The following POLA1 variants were observed in gnomAD, a reference collection of about 807,000 sequenced individuals.
POLA1 encodes the protein DNA polymerase alpha catalytic subunit.
POLA1 carries 15 observed loss-of-function variants against 124.0 expected under a neutral mutation model. That is an observed-to-expected ratio of 0.12 (90% CI 0.08 to 0.19). POLA1 has a LOEUF of 0.19. Ranked by LOEUF, POLA1 falls within the 10% of genes least tolerant of loss-of-function variation. The pLI, the probability that POLA1 is intolerant of heterozygous loss-of-function variation, is 1.00. For missense variants in POLA1, 886 were observed against 1,103.4 expected (o/e 0.80, Z 2.79); for synonymous variants, 408 against 389.4 (o/e 1.05, Z -0.56).
At position 24,882,684 on chromosome X, in the gene POLA1, GGTGTGTGTGTGTGT is replaced by G. The variant is rs57530564; in HGVS notation, c.4048-5291_4048-5278del. 4.9e-4 allele frequency among the ~76,000 whole-genome samples: 43 copies of G among 87,613 alleles called. 2 individuals carry two copies. The South Asian group carries it at 8.9e-3, about 18-fold the overall frequency. The allele number at this position is 87,613 out of a possible 115,157, so 76.1% of individuals were successfully genotyped here. A position where few individuals can be genotyped will look rare whatever the true frequency, so the allele number is the denominator to read the frequency against. ...TATGGCTGCATACTATATATTCCAT[GGTGTGTGTGTGTGT>G]GTGTGTGTGTGTGTGTGTGTGTGTG... On this transcript the variant is annotated intron_variant, in intron 34 of 36. Coordinates refer to ENST00000379068, the MANE Select transcript of POLA1 (RefSeq NM_001330360.2).
chrX:24,694,044 A>G, intron 1 of POLA1, 40 bp downstream of exon 1: 1 of 1,119,444 alleles, frequency 8.9e-7, no homozygotes. Context: ...GGGTTGGGAC[A>G]GTGGCATGAT....
intron 14 of POLA1, 39 bp downstream of exon 14, chrX:24,727,110 C>T: frequency 9.1e-7 from 1 of 1,101,318 alleles, no homozygotes; most frequent in Non-Finnish European, 1.2e-6. Flanking sequence ...GAATAGATTG[C>T]TGATAGATGT....
At chrX:24,809,752 A>ATT (rs762282801) in intron 26 of POLA1, 146 bp from the exon 27 acceptor site, 1 of 392,514 alleles carries the variant, frequency 2.5e-6, no homozygotes, top group Admixed American at 5.2e-5. Flanking sequence ...TGTTACTGTT[A>ATT]TTTTAAGGGC....
intron 35 of POLA1, among the ~76,000 whole-genome samples, chrX:24,925,887 C>G (rs1204284741): frequency 9.0e-6 from 1 of 111,040 alleles, no homozygotes; most frequent in African/African-American, 3.3e-5. Context: ...GTAGCTGGGA[C>G]TCACAACAAT....
rs112203010 is a variant in POLA1 at position 24,772,638 on chromosome X, C to T, written c.2964+23646C>T. On this transcript the variant is annotated intron_variant, in intron 26 of 36. Coordinates refer to ENST00000379068, the MANE Select transcript of POLA1 (RefSeq NM_001330360.2). ...GCTACCACTTATAAGTGAGAACACA[C>T]GGTATTTGGTTTTCTGTTACTCTGT... Among the ~76,000 whole-genome samples, 692 of 110,676 alleles carry T rather than the reference C, an allele frequency of 6.3e-3. 2 individuals are homozygous for T. The highest frequency in any genetic ancestry group is 9.6e-3 in the Non-Finnish European group (509 of 52,867).
At chrX:24,727,664 T>C in intron 14 of POLA1, 118 bp from the exon 15 acceptor site, 1 of 536,599 alleles carries the variant, frequency 1.9e-6, no homozygotes, top group Non-Finnish European at 3.0e-6. Context: ...TTACAATATG[T>C]CATTCTTATT....
rs66782103 is a variant in POLA1, at chrX:24,757,436, C to CTTTTTTTTTTTTTTTTTTTTTT, written c.2964+8465_2964+8466insTTTTTTTTTTTTTTTTTTTTTT. Among the ~76,000 whole-genome samples, 34 of 62,132 alleles carry CTTTTTTTTTTTTTTTTTTTTTT rather than the reference C, an allele frequency of 5.5e-4. 8 individuals carry two copies. The highest frequency in any genetic ancestry group is 2.6e-3 in the African/African-American group (32 of 12,218). 54.0% of individuals were successfully genotyped at this position (62,132 alleles called of 115,157 possible). Reference sequence around the variant, plus strand: ...ATCTGAAATGCTCCAAAATCTGAAACTTTTTTTTTTTTTTTTTTTTTGAGA... The same window carrying CTTTTTTTTTTTTTTTTTTTTTT: ...ATCTGAAATGCTCCAAAATCTGAAACTTTTTTTTTTTTTTTTTTTTTTTTTTTTTTTTTTTTTTTTTTTGAGA... On this transcript the variant is annotated intron_variant, in intron 26 of 36. Coordinates refer to ENST00000379068, the MANE Select transcript of POLA1 (RefSeq NM_001330360.2).
At position 24,748,912 on chromosome X, in the gene POLA1, A is replaced by T. The variant is rs202169782; in HGVS notation, c.2884A>T (p.Met962Leu). 9.1e-6 allele frequency: 11 copies of T among 1,203,870 alleles called. No individual in the cohort carries two copies. The highest frequency in any genetic ancestry group is 8.7e-5 in the Admixed American group (4 of 45,784). ...QKALKLTANS[M>L]YGCLGFSYSR... Reference sequence around the variant, plus strand: ...GGCTTTGAAGCTCACAGCGAACAGTATGTATGGTTGCCTGGGATTTTCCTA... The same window carrying T: ...GGCTTTGAAGCTCACAGCGAACAGTTTGTATGGTTGCCTGGGATTTTCCTA... The change falls in exon 26 of 37, where the codon ATG (methionine) becomes TTG (leucine). Residue 962 changes from methionine (M) to leucine (L), a missense_variant. By Grantham distance (15) the Met-to-Leu change is conservative. Around this residue, in one of 7 missense-constraint regions of POLA1, gnomAD observed 182 missense variants for 252.8 expected, o/e 0.72. Coordinates refer to ENST00000379068, the MANE Select transcript of POLA1 (RefSeq NM_001330360.2).
chrX:24,854,203 G>A (rs1179156706), intron 34 of POLA1, among the ~76,000 whole-genome samples: 2 of 110,688 alleles, frequency 1.8e-5, no homozygotes, highest in Non-Finnish European at 3.8e-5. Context: ...CCACCACCAC[G>A]CTCGGCTAAT....
At chrX:24,767,637 A>G (rs941376371) in intron 26 of POLA1, among the ~76,000 whole-genome samples, 1 of 112,106 alleles carries the variant, frequency 8.9e-6, no homozygotes. Context: ...GTAATCTTCA[A>G]TTTCTAGTTA....
chrX:24,836,358 A>G (rs764610090), intron 32 of POLA1, among the ~76,000 whole-genome samples: 30 of 111,909 alleles, frequency 2.7e-4, no homozygotes, highest in Non-Finnish European at 5.3e-4. Context: ...AAACGTAAGC[A>G]TGTATTTTTC....
At chrX:24,817,591 G>C (rs1231072860) in intron 30 of POLA1, among the ~76,000 whole-genome samples, 1 of 90,049 alleles carries the variant, frequency 1.1e-5, no homozygotes, top group Non-Finnish European at 2.1e-5. Context: ...ATGGGCGACA[G>C]AGCAAGATTC....
intron 32 of POLA1, among the ~76,000 whole-genome samples, chrX:24,832,531 C>G (rs1254790574): frequency 8.9e-6 from 1 of 112,152 alleles, no homozygotes; most frequent in African/African-American, 3.2e-5. Context: ...ACAACTCTGG[C>G]TTTGTAACAC....
intron 36 of POLA1, among the ~76,000 whole-genome samples, chrX:24,946,395 G>T (rs189779302): frequency 8.9e-6 from 1 of 112,048 alleles, no homozygotes; most frequent in African/African-American, 3.2e-5. Context: ...CTTACCTGGG[G>T]TGTCCAGGCA....
At chrX:24,727,183 G>A in intron 14 of POLA1, 112 bp downstream of exon 14, 1 of 655,954 alleles carries the variant, frequency 1.5e-6, no homozygotes, top group South Asian at 2.9e-5. Flanking sequence ...TTCCTTTTCT[G>A]TTTGTTTCTT....
intron 29 of POLA1, 27 bp from the exon 30 acceptor site, chrX:24,814,952 G>GTTTTTTTTTTTTTTTTTTTTTTTTT: frequency 1.2e-6 from 1 of 867,770 alleles, no homozygotes; most frequent in East Asian, 3.9e-5. Context: ...TGCTGTCTTT[G>GTTTTTTTTTTTTTTTTTTTTTTTTT]TTTTGTTTTT....
chrX:24,944,338 G>A (rs868681408), intron 36 of POLA1, among the ~76,000 whole-genome samples: 1 of 110,934 alleles, frequency 9.0e-6, no homozygotes, highest in South Asian at 3.9e-4. Context: ...TTTTATAAAG[G>A]TTTTGTTATT....
chrX:24,704,186 A>G (rs1188361727), intron 3 of POLA1, among the ~76,000 whole-genome samples: 5 of 111,699 alleles, frequency 4.5e-5, no homozygotes, highest in Non-Finnish European at 7.5e-5. Context: ...GGTATAATAT[A>G]TATCATTTGG....
chrX:24,856,677 T>C (rs2046649850), intron 34 of POLA1, among the ~76,000 whole-genome samples: 1 of 111,590 alleles, frequency 9.0e-6, no homozygotes, highest in Non-Finnish European at 1.9e-5. Flanking sequence ...GTATTTTTTA[T>C]TTTAGACATT....
Sources: gnomAD v4.1 joint callset for allele counts (sites outside exome capture counted in the v4.1 genomes callset) on GRCh38, gnomAD v4.1.1 for gene constraint, gnomAD v4.1.1 regional missense constraint, MANE v1.5 for transcripts, NCBI Gene and HGNC (gene_info 2026-07-23, HGNC 2026-07-21) for gene names.